The following VPS13B variants were observed in gnomAD, a reference collection of about 807,000 sequenced individuals.
VPS13B encodes vacuolar protein sorting 13 homolog B, also known as intermembrane lipid transfer protein VPS13B.
VPS13B carries 285 observed loss-of-function variants against 426.4 expected under a neutral mutation model. That is an observed-to-expected ratio of 0.67 (90% CI 0.61 to 0.74). The LOEUF (loss-of-function observed/expected upper bound fraction) is 0.74, where lower values mean the gene tolerates loss of function less well. Among genes scored for constraint, VPS13B ranks in the 30% least tolerant of loss-of-function variants. The pLI, the probability that VPS13B is intolerant of heterozygous loss-of-function variation, is 0.00. For synonymous variants in VPS13B, 1,676 were observed against 1,676.4 expected, an observed-to-expected ratio of 1.00 and a Z score of 0.01; for missense variants, 4,537 against 4,782.6, an observed-to-expected ratio of 0.95 and a Z score of 1.51.
chr8:99,702,782 G>A (rs1832336953), intron 36 of VPS13B, among the ~76,000 whole-genome samples: 1 of 152,132 alleles, frequency 6.6e-6, no homozygotes, highest in Non-Finnish European at 1.5e-5. Flanking sequence ...TTTTAGTGAA[G>A]TATTTTTTTA....
intron 42 of VPS13B, among the ~76,000 whole-genome samples, chr8:99,782,007 T>C (rs1812047905): frequency 2.0e-5 from 3 of 152,076 alleles, no homozygotes; most frequent in Admixed American, 2.0e-4. Flanking sequence ...GGTTTGTAGA[T>C]AAATATATAA....
At chr8:99,502,729 C>T in intron 26 of VPS13B, 107 bp from the exon 27 acceptor site, 1 of 865,694 alleles carries the variant, frequency 1.2e-6, no homozygotes, top group Non-Finnish European at 2.0e-6. Context: ...GATCTCAGCG[C>T]CTCTGTACAT....
chr8:99,825,955 C>G (rs1023514703), intron 51 of VPS13B, among the ~76,000 whole-genome samples: 1 of 152,100 alleles, frequency 6.6e-6, no homozygotes, highest in Non-Finnish European at 1.5e-5. Context: ...CAGTGTCATG[C>G]TGTTTTGGTT....
At chr8:99,635,846 C>T (rs1736690633) in intron 33 of VPS13B, among the ~76,000 whole-genome samples, 1 of 151,890 alleles carries the variant, frequency 6.6e-6, no homozygotes. Flanking sequence ...GGTATTGTTG[C>T]ATTATTCAAA....
rs1385568346 is a variant in VPS13B, at chr8:99,166,037, T to C, written c.2209-4002T>C. On this transcript the variant is annotated intron_variant, in intron 15 of 61. Coordinates refer to ENST00000357162, the MANE Select transcript of VPS13B (RefSeq NM_152564.5). ...CACTGTTGCCCTGGCTGGAGTGCAA[T>C]GGCACGATCTTGGCTCACTGCAACG... Among the ~76,000 whole-genome samples, 4 of 152,246 alleles carry C rather than the reference T, an allele frequency of 2.6e-5. No individual in the cohort carries two copies. In the East Asian group the frequency reaches 7.7e-4, roughly 29 times the overall value.
At chr8:99,808,057 A>G (rs951974585) in intron 43 of VPS13B, among the ~76,000 whole-genome samples, 1 of 151,834 alleles carries the variant, frequency 6.6e-6, no homozygotes, top group Non-Finnish European at 1.5e-5. Flanking sequence ...TGTATTTATT[A>G]TTAGGGCCTT....
intron 17 of VPS13B, among the ~76,000 whole-genome samples, chr8:99,269,095 C>T (rs1818447898): frequency 6.6e-6 from 1 of 152,148 alleles, no homozygotes; most frequent in Non-Finnish European, 1.5e-5. Flanking sequence ...CCTTCCCAGC[C>T]ACATGGAACT....
rs180709598 is a variant in VPS13B, at chr8:99,331,024, A to T, written c.2825-53184A>T. Among the ~76,000 whole-genome samples, 299 of 151,930 alleles carry T rather than the reference A, an allele frequency of 2.0e-3. 2 individuals are homozygous for T. The highest frequency in any genetic ancestry group is 6.5e-3 in the African/African-American group (269 of 41,526). On this transcript the variant is annotated intron_variant, in intron 19 of 61. Transcript: ENST00000357162. ...TTCTCATATACATTAAAATGCTTTC[A>T]TTCAGATTCTTTAATCATAGATAAT...
At chr8:99,772,841 G>A (rs1019625387) in intron 40 of VPS13B, among the ~76,000 whole-genome samples, 1 of 152,070 alleles carries the variant, frequency 6.6e-6, no homozygotes, top group Admixed American at 6.6e-5. Flanking sequence ...TCTCTCCTGC[G>A]TCCTCTCTCA....
intron 19 of VPS13B, among the ~76,000 whole-genome samples, chr8:99,288,726 G>A (rs1042805585): frequency 6.6e-6 from 1 of 151,986 alleles, no homozygotes; most frequent in African/African-American, 2.4e-5. Flanking sequence ...AATAAAATGT[G>A]TCTTCTTTTT....
At chr8:99,095,956 T>G (rs904350853) in intron 3 of VPS13B, among the ~76,000 whole-genome samples, 8 of 152,174 alleles carry the variant, frequency 5.3e-5, no homozygotes, top group Non-Finnish European at 1.0e-4. Flanking sequence ...AGAACCTTTT[T>G]ATTTATTTTG....
intron 15 of VPS13B, among the ~76,000 whole-genome samples, chr8:99,163,576 G>A (rs1811809311): frequency 1.3e-5 from 2 of 152,220 alleles, no homozygotes; most frequent in African/African-American, 4.8e-5. Flanking sequence ...GCGAGAAATC[G>A]AGCACAGCGC....
Position 99,364,817 on chromosome 8 carries a change from C to T in VPS13B, c.2825-19391C>T, listed in dbSNP as rs1387333285. Reference sequence around the variant, plus strand: ...CGTAGAATGAGTTTGGAAGTATTACCTTCTCTATTATTGAAAATAGTTTGA... The same window carrying T: ...CGTAGAATGAGTTTGGAAGTATTACTTTCTCTATTATTGAAAATAGTTTGA... On this transcript the variant is annotated intron_variant, in intron 19 of 61. Coordinates refer to ENST00000357162, the MANE Select transcript of VPS13B (RefSeq NM_152564.5). 1.3e-5 allele frequency among the ~76,000 whole-genome samples: 2 copies of T among 152,046 alleles called. 1 individual carries two copies. The highest frequency in any genetic ancestry group is 4.1e-4 in the South Asian group (2 of 4,820).
intron 19 of VPS13B, among the ~76,000 whole-genome samples, chr8:99,335,939 C>T (rs1481797859): frequency 1.4e-4 from 22 of 152,088 alleles, no homozygotes; most frequent in Admixed American, 8.5e-4. Flanking sequence ...GCCGTACTGC[C>T]CAAGGTAATT....
intron 17 of VPS13B, among the ~76,000 whole-genome samples, chr8:99,245,997 A>G (rs184077333): frequency 1.3e-5 from 2 of 152,382 alleles, no homozygotes; most frequent in Admixed American, 6.5e-5. Flanking sequence ...ATCTGGCATT[A>G]AAAATCAATT....
intron 2 of VPS13B, among the ~76,000 whole-genome samples, chr8:99,025,241 CT>C (rs1842077698): frequency 1.3e-5 from 2 of 151,962 alleles, no homozygotes; most frequent in Admixed American, 1.3e-4. Flanking sequence ...GACAGTTTGA[CT>C]TTTTCTTTTC....
chr8:99,204,815 A>T (rs184102469), intron 17 of VPS13B, among the ~76,000 whole-genome samples: 3 of 152,384 alleles, frequency 2.0e-5, no homozygotes, highest in Admixed American at 2.0e-4. Context: ...ATACCATCTT[A>T]TACCAGTTAG....
intron 17 of VPS13B, among the ~76,000 whole-genome samples, chr8:99,199,333 G>A (rs746429405): frequency 2.0e-5 from 3 of 151,930 alleles, no homozygotes; most frequent in Admixed American, 2.0e-4. Flanking sequence ...CACCACACCC[G>A]GCTAAGATTT....
chr8:99,396,038 T>A (rs1814710330), intron 21 of VPS13B, among the ~76,000 whole-genome samples: 1 of 152,098 alleles, frequency 6.6e-6, no homozygotes, highest in Admixed American at 6.5e-5. Context: ...GATGGAAACA[T>A]GCCAAAATGA....
Sources: gnomAD v4.1 joint callset for allele counts (sites outside exome capture counted in the v4.1 genomes callset) on GRCh38, gnomAD v4.1.1 for gene constraint, MANE v1.5 for transcripts, NCBI Gene and HGNC (gene_info 2026-07-23, HGNC 2026-07-21) for gene names.